The following ALK variants were observed in gnomAD, a reference collection of about 807,000 sequenced individuals.
The protein encoded by ALK is ALK tyrosine kinase receptor.
A neutral mutation model predicts 163.1 loss-of-function variants in ALK; 74 were observed. The observed-to-expected ratio is 0.45, with a 90% CI of 0.38 to 0.55. The LOEUF (loss-of-function observed/expected upper bound fraction) is 0.55, where lower values mean the gene tolerates loss of function less well. ALK is among the 20% of genes least tolerant of loss of function. ALK has a pLI of 0.00. For missense variants in ALK, 2,063 were observed against 2,105.3 expected, an observed-to-expected ratio of 0.98 and a Z score of 0.39; for synonymous variants, 960 against 843.2, an observed-to-expected ratio of 1.14 and a Z score of -2.40.
At chr2:29,229,994 A>G (rs538938377) in intron 15 of ALK, among the ~76,000 whole-genome samples, 13 of 152,356 alleles carry the variant, frequency 8.5e-5, no homozygotes, top group African/African-American at 3.1e-4. Flanking sequence ...GTTGACCACA[A>G]GAAATCTCTT....
intron 3 of ALK, among the ~76,000 whole-genome samples, chr2:29,575,693 G>C (rs536699547): frequency 1.3e-5 from 2 of 152,324 alleles, no homozygotes; most frequent in East Asian, 3.9e-4. Context: ...GCCTGATTTT[G>C]CAGAGAAGCA....
chr2:29,491,040 C>T (rs1195344334), intron 4 of ALK, among the ~76,000 whole-genome samples: 2 of 152,230 alleles, frequency 1.3e-5, no homozygotes, highest in Non-Finnish European at 2.9e-5. Context: ...CATCCATGTT[C>T]ATAGGCCCCT....
At chr2:29,525,338 G>A (rs1328318450) in intron 4 of ALK, among the ~76,000 whole-genome samples, 1 of 152,182 alleles carries the variant, frequency 6.6e-6, no homozygotes, top group Admixed American at 6.5e-5. Flanking sequence ...CTTAGTAAAT[G>A]GTTATATAAA....
chr2:29,336,304 G>A (rs1476054314), intron 5 of ALK, among the ~76,000 whole-genome samples: 6 of 152,114 alleles, frequency 3.9e-5, no homozygotes, highest in African/African-American at 1.2e-4. Context: ...AGTTAGTGTC[G>A]ACTTTATTAA....
intron 2 of ALK, among the ~76,000 whole-genome samples, chr2:29,712,569 G>A (rs1311762595): frequency 6.6e-6 from 1 of 152,072 alleles, no homozygotes; most frequent in Non-Finnish European, 1.5e-5. Context: ...ATCCTATACA[G>A]AGCCAGAGGT....
chr2:29,391,733 G>A (rs891336904), intron 4 of ALK, among the ~76,000 whole-genome samples: 2 of 151,678 alleles, frequency 1.3e-5, no homozygotes, highest in African/African-American at 4.9e-5. Flanking sequence ...CTTCTTTCAA[G>A]AGAAATATAA....
chr2:29,325,862 A>G (rs937604371), intron 6 of ALK, among the ~76,000 whole-genome samples: 3 of 152,262 alleles, frequency 2.0e-5, no homozygotes, highest in African/African-American at 4.8e-5. Context: ...TAAAGGCTCA[A>G]CAGGTAAGCT....
intron 4 of ALK, among the ~76,000 whole-genome samples, chr2:29,508,671 A>G (rs918290976): frequency 3.5e-5 from 5 of 142,526 alleles, no homozygotes; most frequent in African/African-American, 1.3e-4. Context: ...TGTTGTGCAC[A>G]TGTACCCTAA....
intron 1 of ALK, among the ~76,000 whole-genome samples, chr2:29,831,020 G>T (rs1406727172): frequency 2.7e-5 from 1 of 36,932 alleles, no homozygotes; most frequent in African/African-American, 8.1e-5. Context: ...AAGGGGAAGA[G>T]GAAGGGGAAG....
intron 4 of ALK, among the ~76,000 whole-genome samples, chr2:29,387,382 T>C (rs1162358392): frequency 6.6e-6 from 1 of 152,186 alleles, no homozygotes; most frequent in African/African-American, 2.4e-5. Flanking sequence ...GCAGAGTGCC[T>C]ATATTATAAT....
intron 4 of ALK, among the ~76,000 whole-genome samples, chr2:29,498,892 A>T (rs1259601877): frequency 6.6e-6 from 1 of 152,204 alleles, no homozygotes; most frequent in Non-Finnish European, 1.5e-5. Context: ...TGAAAAAGCC[A>T]AGGACGCAGA....
intron 23 of ALK, 124 bp from the exon 24 acceptor site, chr2:29,214,205 T>G: frequency 5.0e-6 from 4 of 807,578 alleles, no homozygotes; most frequent in Non-Finnish European, 8.3e-6. Context: ...ACCAGGGGCC[T>G]CGGCCCTGGC....
Position 29,266,865 on chromosome 2 carries a change from C to A in ALK, c.2041+8234G>T, listed in dbSNP as rs187839699. 3.3e-4 allele frequency among the ~76,000 whole-genome samples: 50 copies of A among 152,296 alleles called. No individual in the cohort carries two copies. In the East Asian group the frequency reaches 8.7e-3, roughly 26 times the overall value. ...ATCCCCACTGGGCTCCCAGAGCTTC[C>A]TGGTGAATGTTCGTCTCCAGCATGG... On this transcript the variant is annotated intron_variant, in intron 11 of 28. Transcript: ENST00000389048.
At chr2:29,722,183 G>A (rs1679440287) in intron 1 of ALK, among the ~76,000 whole-genome samples, 1 of 152,218 alleles carries the variant, frequency 6.6e-6, no homozygotes, top group Non-Finnish European at 1.5e-5. Flanking sequence ...CTGTAGAGGA[G>A]GAAACGTCTC....
chr2:29,706,900 G>T lies in ALK; in HGVS notation c.787+10678C>A, dbSNP rs116886439. 1.1e-3 allele frequency among the ~76,000 whole-genome samples: 170 copies of T among 152,038 alleles called. 2 individuals are homozygous for T. The East Asian group carries it at 0.029, about 26-fold the overall frequency. On this transcript the variant is annotated intron_variant, in intron 2 of 28. Transcript: ENST00000389048. ...TGGCCTAGGGCTTGGAGCAGTAAGAGAGTTGAGACCAGAACCCAGATTGGA... is the reference window on the plus strand; with the variant it reads ...TGGCCTAGGGCTTGGAGCAGTAAGATAGTTGAGACCAGAACCCAGATTGGA...
chr2:29,855,899 T>C (rs928776334), intron 1 of ALK, among the ~76,000 whole-genome samples: 2 of 152,230 alleles, frequency 1.3e-5, no homozygotes, highest in Non-Finnish European at 2.9e-5. Flanking sequence ...AAGCCAGAAG[T>C]ATCCTAAAGA....
intron 4 of ALK, among the ~76,000 whole-genome samples, chr2:29,391,462 AG>A (rs531901394): frequency 2.2e-4 from 34 of 151,906 alleles, no homozygotes; most frequent in Non-Finnish European, 3.8e-4. Flanking sequence ...CATCATGCCC[AG>A]CTAATTTTTG....
At chr2:29,350,338 C>G (rs1463676500) in intron 5 of ALK, among the ~76,000 whole-genome samples, 4 of 152,182 alleles carry the variant, frequency 2.6e-5, no homozygotes, top group Non-Finnish European at 5.9e-5. Flanking sequence ...ATGAGAATAG[C>G]CTTGGGCCAC....
chr2:29,896,585 T>C (rs1667276488), intron 1 of ALK, among the ~76,000 whole-genome samples: 1 of 145,178 alleles, frequency 6.9e-6, no homozygotes, highest in Middle Eastern at 3.5e-3. Flanking sequence ...GAAACCCACC[T>C]GTGGCACCTT....
Sources: gnomAD v4.1 joint callset for allele counts (sites outside exome capture counted in the v4.1 genomes callset) on GRCh38, gnomAD v4.1.1 for gene constraint, MANE v1.5 for transcripts, NCBI Gene and HGNC (gene_info 2026-07-23, HGNC 2026-07-21) for gene names.